The following VDR variants were observed in gnomAD, a reference collection of about 807,000 sequenced individuals.
VDR encodes the protein vitamin D receptor, also known as vitamin D3 receptor.
A neutral mutation model predicts 39.7 loss-of-function variants in VDR; 19 were observed. The observed-to-expected ratio is 0.48, with a 90% CI of 0.33 to 0.70. The LOEUF is 0.70. Among genes scored for constraint, VDR ranks in the 30% least tolerant of loss-of-function variants. The pLI, the probability that VDR is intolerant of heterozygous loss-of-function variation, is 0.02. For missense variants in VDR, 442 were observed against 570.5 expected (o/e 0.77, Z 2.29); for synonymous variants, 242 against 215.8 (o/e 1.12, Z -1.07).
At chr12:47,902,342 G>T (rs1322274648) in intron 1 of VDR, among the ~76,000 whole-genome samples, 2 of 152,230 alleles carry the variant, frequency 1.3e-5, no homozygotes, top group Non-Finnish European at 2.9e-5. Context: ...GCCCAGAGTG[G>T]CAGCCAGGCT....
intron 1 of VDR, among the ~76,000 whole-genome samples, chr12:47,897,659 G>C (rs975611091): frequency 5.9e-5 from 9 of 152,146 alleles, no homozygotes; most frequent in Non-Finnish European, 1.2e-4. Flanking sequence ...CAGGGTATTC[G>C]ACCTTCAAAG....
chr12:47,865,267 G>C (rs1945707116), intron 3 of VDR, 90 bp from the exon 4 acceptor site: 2 of 1,583,658 alleles, frequency 1.3e-6, no homozygotes, highest in Non-Finnish European at 1.7e-6. Context: ...GGGCCCCCTG[G>C]TCTCCATTTC....
At position 47,857,770 on chromosome 12, in the gene VDR, C is replaced by T. The variant is rs1357908183; in HGVS notation, c.278-82G>A. The T allele has an allele frequency of 5.3e-6, 8 of 1,505,212 alleles. No individual in the cohort carries two copies. In the Middle Eastern group the frequency reaches 6.7e-4, roughly 125 times the overall value. The allele number at this position is 1,505,212 out of a possible 1,614,324, so 93.2% of individuals were successfully genotyped here. On this transcript the variant is annotated intron_variant, in intron 4 of 9. Transcript: ENST00000549336. Reference sequence around the variant, plus strand: ...TCCTCCTGCGGTTGGGGGTAAAGGTCCAAGATAGGAGGGGCTTTAACACTC... The same window carrying T: ...TCCTCCTGCGGTTGGGGGTAAAGGTTCAAGATAGGAGGGGCTTTAACACTC...
intron 1 of VDR, chr12:47,883,056 C>G: frequency 2.5e-6 from 1 of 393,638 alleles, no homozygotes. Context: ...AAGGAAACAG[C>G]CTCCCGCCTA....
At chr12:47,869,713 G>C (rs2137177189) in intron 3 of VDR, among the ~76,000 whole-genome samples, 1 of 152,184 alleles carries the variant, frequency 6.6e-6, no homozygotes, top group South Asian at 2.1e-4. Flanking sequence ...TGGCCAACAT[G>C]GTGAAACCCT....
At position 47,857,493 on chromosome 12, in the gene VDR, G is replaced by A; in HGVS notation, c.462+11C>T. 6.2e-7 allele frequency: 1 copy of A among 1,614,176 alleles called. No individual in the cohort carries two copies. The highest frequency in any genetic ancestry group is 8.5e-7 in the Non-Finnish European group (1 of 1,180,034). On this transcript the variant is annotated intron_variant, in intron 5 of 9. Transcript: ENST00000549336. ...TCTGGACCGGCTCATCCTCCCAGCA[G>A]GCAGACATACCCGGAACTGGCAGAA... is the stretch of plus-strand genomic sequence containing the variant.
chr12:47,893,283 G>A (rs983511057), intron 1 of VDR, among the ~76,000 whole-genome samples: 2 of 152,126 alleles, frequency 1.3e-5, no homozygotes, highest in Non-Finnish European at 2.9e-5. Flanking sequence ...TCATTGAGAC[G>A]TTAGCTATGC....
intron 1 of VDR, among the ~76,000 whole-genome samples, chr12:47,888,122 G>A (rs192488324): frequency 1.4e-4 from 21 of 152,232 alleles, no homozygotes; most frequent in Middle Eastern, 3.4e-3. Context: ...CATGGCAGTG[G>A]CAACGGAAAA....
Position 47,872,034 on chromosome 12 carries a change from G to A in VDR, c.147-6857C>T, listed in dbSNP as rs114480780. Reference sequence around the variant, plus strand: ...GAACTAAGAATTGGGTTGAATAGGTGATTTACTTTTCACTTACATATCCTC... The same window carrying A: ...GAACTAAGAATTGGGTTGAATAGGTAATTTACTTTTCACTTACATATCCTC... On this transcript the variant is annotated intron_variant, in intron 3 of 9. Transcript: ENST00000549336. Among the ~76,000 whole-genome samples, 1,133 of 152,284 alleles carry A rather than the reference G, an allele frequency of 7.4e-3. 21 individuals are homozygous for A. The highest frequency in any genetic ancestry group is 0.026 in the African/African-American group (1,068 of 41,560).
At chr12:47,878,163 T>C (rs932595691) in intron 3 of VDR, among the ~76,000 whole-genome samples, 1 of 152,240 alleles carries the variant, frequency 6.6e-6, no homozygotes, top group Admixed American at 6.5e-5. Context: ...ACCTCCAGTC[T>C]AGACCGCTAG....
At chr12:47,864,673 G>A (rs1246136311) in intron 4 of VDR, among the ~76,000 whole-genome samples, 1 of 152,160 alleles carries the variant, frequency 6.6e-6, no homozygotes. Flanking sequence ...TTCCCTCTAG[G>A]TCCGAGTAAC....
At chr12:47,896,888 C>T (rs1946473906) in intron 1 of VDR, 1 of 152,144 alleles carries the variant, frequency 6.6e-6, no homozygotes, top group Admixed American at 6.5e-5. Flanking sequence ...AGAACTCTGC[C>T]CCGAAGGTGT....
chr12:47,871,740 C>G (rs1379174214), intron 3 of VDR, among the ~76,000 whole-genome samples: 3 of 152,234 alleles, frequency 2.0e-5, no homozygotes, highest in East Asian at 3.9e-4. Context: ...GCTGGGATTA[C>G]AGGCATGAGC....
chr12:47,880,049 G>C (rs567877053), intron 2 of VDR, among the ~76,000 whole-genome samples: 3 of 152,206 alleles, frequency 2.0e-5, no homozygotes, highest in African/African-American at 7.2e-5. Flanking sequence ...GTCAGGCTCA[G>C]AGATGATTCT....
chr12:47,857,025 A>G, intron 6 of VDR, 104 bp downstream of exon 6: 2 of 1,565,442 alleles, frequency 1.3e-6, no homozygotes, highest in South Asian at 1.1e-5. Context: ...GTAAGTTTCC[A>G]TTAGGGAGCC....
At chr12:47,904,523 C>T (rs2137261851) in intron 1 of VDR, 3 of 1,432,848 alleles carry the variant, frequency 2.1e-6, no homozygotes, top group Non-Finnish European at 2.8e-6. Context: ...TCACAGGTGA[C>T]CATACCTGGG....
In VDR at chr12:47,844,649, C is replaced by G. The variant is rs548542386; in HGVS notation, c.*97G>C. The G allele has an allele frequency of 1.9e-6, 3 of 1,544,114 alleles. No individual in the cohort carries two copies. ...GGCAGAGGAGGGGCTGAACCCCAGA[C>G]GGGGTGAGGAGGGCTGCTGAGTAGC... On this transcript the variant is annotated 3_prime_UTR_variant, in exon 10 of 10. Transcript: ENST00000549336.
chr12:47,882,628 T>TCCCCCCCCCC, intron 2 of VDR, 66 bp downstream of exon 2: 2 of 187,188 alleles, frequency 1.1e-5, no homozygotes, highest in Non-Finnish European at 9.9e-6. Flanking sequence ...CTTATGCCCC[T>TCCCCCCCCCC]CCCCCCCACC....
At chr12:47,873,106 G>C (rs551011749) in intron 3 of VDR, among the ~76,000 whole-genome samples, 98 of 152,306 alleles carry the variant, frequency 6.4e-4, no homozygotes, top group Middle Eastern at 6.8e-3. Flanking sequence ...ATGTGTCGAA[G>C]GAGGGGCCTG....
Sources: allele counts gnomAD v4.1 joint callset (sites outside exome capture counted in the v4.1 genomes callset), GRCh38; gene constraint gnomAD v4.1.1; transcripts MANE v1.5; gene names NCBI Gene and HGNC (gene_info 2026-07-23, HGNC 2026-07-21).